Variants in TSC2 observed in about 807,000 individuals in gnomAD.
TSC2 encodes tuberin.
A neutral mutation model predicts 202.2 loss-of-function variants in TSC2; 29 were observed. The observed-to-expected ratio is 0.14, with a 90% CI of 0.11 to 0.20. The LOEUF (loss-of-function observed/expected upper bound fraction) is 0.20, where lower values mean the gene tolerates loss of function less well. TSC2 is among the 10% of genes least tolerant of loss of function. The pLI, the probability that TSC2 is intolerant of heterozygous loss-of-function variation, is 1.00. For missense variants in TSC2, 2,429 were observed against 2,420.0 expected (o/e 1.00, Z -0.08); for synonymous variants, 1,349 against 1,044.0 (o/e 1.29, Z -5.63).
intron 31 of TSC2, 146 bp from the exon 32 acceptor site, chr16:2,082,290 G>C (rs745329005): frequency 1.0e-5 from 9 of 877,058 alleles, no homozygotes; most frequent in Non-Finnish European, 1.3e-5. Context: ...CAAGCAGCTT[G>C]TAGCTAGCAC....
rs542912943 is a variant in TSC2 at position 2,084,764 on chromosome 16, A to G, written c.4493+49A>G. On this transcript the variant is annotated intron_variant, in intron 34 of 41. Coordinates refer to ENST00000219476, the MANE Select transcript of TSC2 (RefSeq NM_000548.5). Reference sequence around the variant, plus strand: ...GGCTCCTGACACCTCTCCTGCGGGAACCTGGTGCCTCACTTGCCCCAGGCC... The same window carrying G: ...GGCTCCTGACACCTCTCCTGCGGGAGCCTGGTGCCTCACTTGCCCCAGGCC... 20 of 1,598,382 alleles carry G rather than the reference A, an allele frequency of 1.3e-5. No homozygotes were observed. The African/African-American group carries it at 2.1e-4, about 17-fold the overall frequency.
intron 9 of TSC2, among the ~76,000 whole-genome samples, chr16:2,058,296 G>A (rs1379429761): frequency 6.6e-6 from 1 of 152,164 alleles, no homozygotes; most frequent in East Asian, 1.9e-4. Context: ...CTTGCCAGCA[G>A]GTTCTTCCAC....
At chr16:2,051,167 A>G (rs2085067715) in intron 3 of TSC2, among the ~76,000 whole-genome samples, 1 of 151,938 alleles carries the variant, frequency 6.6e-6, no homozygotes, top group Non-Finnish European at 1.5e-5. Flanking sequence ...GTACTAAAAG[A>G]TGATGAGCCG....
Position 2,088,235 on chromosome 16 carries a change from A to G in TSC2, c.5169A>G (p.Ser1723=), listed in dbSNP as rs1567131059. 1 of 1,613,128 alleles carries G rather than the reference A, an allele frequency of 6.2e-7. No homozygotes were observed. Among genetic ancestry groups the G allele is most frequent in the Admixed American group, 1.7e-5 (1 of 60,024 alleles). ...CCTGCCTACGTCCCCAGATGGCCTC[A>G]CAGGTGCATCATAGCCGCTCCAACC... The part of the protein sequence containing the change: ...RQMALHANMA[S]QVHHSRSNPT... Residue 1723 remains serine, a synonymous_variant, in exon 41 of 42, where the codon TCA becomes TCG. Transcript: ENST00000219476.
chr16:2,055,590 C>G (rs2085690090), intron 6 of TSC2, 71 bp downstream of exon 6: 7 of 1,451,800 alleles, frequency 4.8e-6, no homozygotes, highest in Admixed American at 1.7e-5. Flanking sequence ...AAAGTTGAAA[C>G]CACCAAAAAA....
chr16:2,055,555 T>G, intron 6 of TSC2, 36 bp downstream of exon 6: 1 of 1,585,378 alleles, frequency 6.3e-7, no homozygotes. Flanking sequence ...CTGATAATGG[T>G]CCTAAGTTCA....
At chr16:2,065,466 C>A in intron 15 of TSC2, 53 bp from the exon 16 acceptor site, 5 of 1,278,354 alleles carry the variant, frequency 3.9e-6, no homozygotes, top group African/African-American at 2.9e-5. Flanking sequence ...GTTCTCACGG[C>A]TGCTGACTCA....
rs756873400 is a variant in TSC2 at position 2,089,361 on chromosome 16, C to T, written c.*751C>T. 7.2e-5 allele frequency: 26 copies of T among 360,032 alleles called. No individual in the cohort carries two copies. Among genetic ancestry groups the T allele is most frequent in the Non-Finnish European group, 1.1e-4 (22 of 195,056 alleles). 22.3% of individuals were successfully genotyped at this position (360,032 alleles called of 1,614,324 possible). On this transcript the variant is annotated 3_prime_UTR_variant, in exon 42 of 42. Coordinates refer to ENST00000219476, the MANE Select transcript of TSC2 (RefSeq NM_000548.5). ...TAATAACTTAGGGGCAGGGTGGCGG[C>T]GGTGCAGGCTAACCCTCCCTGAAGC...
rs1431191501 is a variant in TSC2 at position 2,077,581 on chromosome 16, C to T, written c.2838-17C>T. 6.2e-7 allele frequency: 1 copy of T among 1,612,658 alleles called. No homozygotes were observed. The highest frequency in any genetic ancestry group is 1.3e-5 in the African/African-American group (1 of 75,060). On this transcript the variant is annotated splice_polypyrimidine_tract_variant and intron_variant, in intron 25 of 41. Coordinates refer to ENST00000219476, the MANE Select transcript of TSC2 (RefSeq NM_000548.5). ...CTGGGCTCTCTGGGGCGTTGGGGCT[C>T]CTTCCTCACCCGATAGTCTGAGGAT...
Position 2,074,209 on chromosome 16 carries a change from G to A in TSC2, c.2365G>A (p.Val789Ile), listed in dbSNP as rs779472379. 17 of 1,611,378 alleles carry A rather than the reference G, an allele frequency of 1.1e-5. No individual in the cohort carries two copies. The East Asian group carries it at 3.8e-4, about 36-fold the overall frequency. The change falls in exon 22 of 42, where the codon GTC (valine) becomes ATC (isoleucine). Residue 789 changes from valine (V) to isoleucine (I), a missense_variant. By Grantham distance (29) the Val-to-Ile change is conservative. Coordinates refer to ENST00000219476, the MANE Select transcript of TSC2 (RefSeq NM_000548.5). ...GTCCTGTCTCCTGCAGCGCGAGATG[G>A]TCTACTGCCTGGAGCAGGGCCTCAT... ...YLDKTKQREM[V>I]YCLEQGLIHR...
chr16:2,051,097 G>A (rs2085056768), intron 3 of TSC2, among the ~76,000 whole-genome samples: 1 of 151,780 alleles, frequency 6.6e-6, no homozygotes, highest in Non-Finnish European at 1.5e-5. Flanking sequence ...AGGCCGAGGT[G>A]GGTGGATCAC....
chr16:2,065,261 AAATT>A (rs2087169573), intron 15 of TSC2: 1 of 440,692 alleles, frequency 2.3e-6, no homozygotes, highest in Non-Finnish European at 4.2e-6. Flanking sequence ...AAAATACAAA[AAATT>A]AGCTGGGCGT....
Position 2,086,188 on chromosome 16 carries a change from C to T in TSC2, c.4663-5C>T, listed in dbSNP as rs1555515976. 5 of 1,612,076 alleles carry T rather than the reference C, an allele frequency of 3.1e-6. No homozygotes were observed. The highest frequency in any genetic ancestry group is 2.7e-5 in the African/African-American group (2 of 74,898). ...TGCCACCCTGCCTCTCCCCTCTCCCCACAGAGCAACAGCGAGCTCGCCATC... is the reference window on the plus strand; with the variant it reads ...TGCCACCCTGCCTCTCCCCTCTCCCTACAGAGCAACAGCGAGCTCGCCATC... On this transcript the variant is annotated splice_polypyrimidine_tract_variant and splice_region_variant and intron_variant, in intron 36 of 41. Coordinates refer to ENST00000219476, the MANE Select transcript of TSC2 (RefSeq NM_000548.5).
At chr16:2,066,723 C>T (rs559729532) in intron 16 of TSC2, among the ~76,000 whole-genome samples, 8 of 140,680 alleles carry the variant, frequency 5.7e-5, no homozygotes, top group East Asian at 4.1e-4. Flanking sequence ...TGCAGTGGCG[C>T]GATCTTGGCT....
rs528444643 is a variant in TSC2 at position 2,085,757 on chromosome 16, C to T, written c.4662+435C>T. 7.3e-4 allele frequency among the ~76,000 whole-genome samples: 111 copies of T among 152,326 alleles called. 1 individual carries two copies. Among genetic ancestry groups the T allele is most frequent in the African/African-American group, 2.4e-3 (100 of 41,574 alleles). ...GAGCCGACAGGATGGGCAGCCTCAG[C>T]GCCCTATAGGCTGCACCTTCATCCC... On this transcript the variant is annotated intron_variant, in intron 36 of 41. Coordinates refer to ENST00000219476, the MANE Select transcript of TSC2 (RefSeq NM_000548.5).
intron 12 of TSC2, 129 bp downstream of exon 12, chr16:2,062,137 CACTCGGCA>C: frequency 2.9e-6 from 4 of 1,366,660 alleles, no homozygotes; most frequent in Non-Finnish European, 4.1e-6. Flanking sequence ...CAGGTTTCTG[CACTCGGCA>C]GGGAAGGCTG....
intron 30 of TSC2, 191 bp from the exon 31 acceptor site, chr16:2,081,404 G>A (rs565204417): frequency 3.1e-5 from 23 of 732,260 alleles, no homozygotes; most frequent in Admixed American, 1.3e-4. Flanking sequence ...GCCTGGCCTC[G>A]AGGCAGGGGC....
intron 19 of TSC2, 152 bp downstream of exon 19, chr16:2,072,086 G>A (rs772881200): frequency 1.4e-4 from 205 of 1,504,712 alleles, no homozygotes; most frequent in Non-Finnish European, 1.7e-4. Context: ...GCAGCTGCAG[G>A]GACAGAGGCC....
rs1446097378 is a variant in TSC2, at chr16:2,072,971, C to T, written c.2343C>T (p.Asp781=). 1.2e-6 allele frequency: 2 copies of T among 1,613,538 alleles called. No homozygotes were observed. The highest frequency in any genetic ancestry group is 1.3e-5 in the African/African-American group (1 of 75,072). The stretch of plus-strand genomic sequence containing the variant: ...TAATCTCTTACCATAACTACCTGGA[C>T]AAAACCAAACAGGTAGGAGGTCAGA... ...TALISYHNYL[D]KTKQREMVYC... The change falls in exon 21 of 42, where the codon GAC becomes GAT. Residue 781 remains aspartate (D), a synonymous_variant. Coordinates refer to ENST00000219476, the MANE Select transcript of TSC2 (RefSeq NM_000548.5).
Sources: allele counts gnomAD v4.1 joint callset (sites outside exome capture counted in the v4.1 genomes callset), GRCh38; gene constraint gnomAD v4.1.1; transcripts MANE v1.5; gene names NCBI Gene and HGNC (gene_info 2026-07-23, HGNC 2026-07-21).